Variants in ANKIB1 observed in about 807,000 individuals in gnomAD.
The protein encoded by ANKIB1 is ankyrin repeat and IBR domain-containing protein 1.
Under a neutral mutation model 122.1 loss-of-function variants are expected in ANKIB1, and 43 were observed. The ratio of observed to expected loss-of-function variants is 0.35; its 90% confidence interval spans 0.28 to 0.45. ANKIB1 has a LOEUF of 0.45. Ranked by LOEUF, ANKIB1 falls within the 20% of genes least tolerant of loss-of-function variation. The probability of loss-of-function intolerance (pLI) is 1.00; values close to 1 mark genes in which losing one functional copy is unlikely to be tolerated. For synonymous variants in ANKIB1, 390 were observed against 442.0 expected (o/e 0.88, Z 1.48); for missense variants, 992 against 1,329.5 (o/e 0.75, Z 3.95).
intron 4 of ANKIB1, among the ~76,000 whole-genome samples, chr7:92,325,364 A>G (rs1803005439): frequency 6.6e-6 from 1 of 152,222 alleles, no homozygotes; most frequent in Admixed American, 6.5e-5. Context: ...CTGTTATTTC[A>G]GAGTACAGCT....
At chr7:92,379,588 T>C (rs1804465532) in intron 11 of ANKIB1, among the ~76,000 whole-genome samples, 1 of 152,088 alleles carries the variant, frequency 6.6e-6, no homozygotes, top group Non-Finnish European at 1.5e-5. Context: ...CGTGGGAATC[T>C]AGTATATGGT....
In ANKIB1 at chr7:92,358,014, G is replaced by A. The variant is rs190770581; in HGVS notation, c.1398-4171G>A. ...TCCCAGCACTTTGGGAGGCCGAGGC[G>A]GGCATATCACAAGGTCAGGAGTTCA... On this transcript the variant is annotated intron_variant, in intron 9 of 19. Transcript: ENST00000265742. Among the ~76,000 whole-genome samples the A allele has an allele frequency of 1.3e-3, 198 of 152,136 alleles. 3 individuals carry two copies. The East Asian group carries it at 0.024, about 18-fold the overall frequency.
At chr7:92,365,018 A>G (rs1804040923) in intron 10 of ANKIB1, among the ~76,000 whole-genome samples, 1 of 152,236 alleles carries the variant, frequency 6.6e-6, no homozygotes, top group Non-Finnish European at 1.5e-5. Context: ...ATAAGTGTTC[A>G]TCTGAAACTC....
chr7:92,252,750 A>G (rs905633555), intron 1 of ANKIB1, among the ~76,000 whole-genome samples: 4 of 152,000 alleles, frequency 2.6e-5, no homozygotes, highest in South Asian at 2.1e-4. Flanking sequence ...CCCGTATATC[A>G]TGCCCCTATC....
chr7:92,260,258 C>T (rs1300480718), intron 1 of ANKIB1, among the ~76,000 whole-genome samples: 1 of 152,196 alleles, frequency 6.6e-6, no homozygotes, highest in Admixed American at 6.5e-5. Flanking sequence ...GTAACACTGG[C>T]CTCCTTTTTG....
At chr7:92,322,756 A>G (rs916178248) in intron 4 of ANKIB1, among the ~76,000 whole-genome samples, 15 of 152,186 alleles carry the variant, frequency 9.9e-5, no homozygotes, top group Admixed American at 9.8e-4. Flanking sequence ...AGTAATTTAT[A>G]TATTTTTACC....
intron 10 of ANKIB1, among the ~76,000 whole-genome samples, chr7:92,370,687 T>C (rs1017514311): frequency 7.9e-5 from 12 of 152,130 alleles, no homozygotes; most frequent in Non-Finnish European, 1.0e-4. Context: ...TCCTGACTTA[T>C]TACACATTCT....
intron 17 of ANKIB1, among the ~76,000 whole-genome samples, chr7:92,394,357 C>A (rs991173455): frequency 3.3e-5 from 5 of 152,122 alleles, no homozygotes; most frequent in Non-Finnish European, 7.4e-5. Flanking sequence ...CATATACATT[C>A]TTGAAGATCT....
intron 5 of ANKIB1, among the ~76,000 whole-genome samples, chr7:92,341,576 T>C (rs552518599): frequency 6.6e-6 from 1 of 152,032 alleles, no homozygotes; most frequent in Non-Finnish European, 1.5e-5. Context: ...TGGATTAATA[T>C]GTAGTCATTA....
intron 3 of ANKIB1, among the ~76,000 whole-genome samples, chr7:92,309,934 A>AT (rs1426004365): frequency 8.6e-6 from 1 of 115,656 alleles, no homozygotes. Flanking sequence ...AAAAAAAAAA[A>AT]AAAAAAAAAT....
chr7:92,323,313 A>T (rs1187424249), intron 4 of ANKIB1, among the ~76,000 whole-genome samples: 1 of 152,310 alleles, frequency 6.6e-6, no homozygotes, highest in Non-Finnish European at 1.5e-5. Flanking sequence ...CAGTTTGGAC[A>T]AATAAATGGT....
At chr7:92,365,756 A>G (rs1397997077) in intron 10 of ANKIB1, among the ~76,000 whole-genome samples, 1 of 147,438 alleles carries the variant, frequency 6.8e-6, no homozygotes, top group Non-Finnish European at 1.5e-5. Flanking sequence ...GAGGGGGCAT[A>G]TACAGGAGAG....
intron 1 of ANKIB1, among the ~76,000 whole-genome samples, chr7:92,290,280 T>C (rs559703643): frequency 6.6e-6 from 1 of 152,372 alleles, no homozygotes; most frequent in East Asian, 1.9e-4. Flanking sequence ...CCTGTTTCTC[T>C]ACTGGCTAAA....
At chr7:92,306,338 T>A (rs1480885017) in intron 2 of ANKIB1, among the ~76,000 whole-genome samples, 1 of 152,068 alleles carries the variant, frequency 6.6e-6, no homozygotes, top group Non-Finnish European at 1.5e-5. Context: ...ATCCTGTGAC[T>A]CATTTTAGGA....
At chr7:92,347,951 G>A (rs567105607) in intron 7 of ANKIB1, 3 of 444,012 alleles carry the variant, frequency 6.8e-6, no homozygotes, top group African/African-American at 2.0e-5. Flanking sequence ...CCTAAGCATT[G>A]TAATAAGCAG....
intron 10 of ANKIB1, among the ~76,000 whole-genome samples, chr7:92,365,845 G>T (rs1804066366): frequency 8.2e-6 from 1 of 121,616 alleles, no homozygotes; most frequent in Non-Finnish European, 1.6e-5. Context: ...CGCCCGGGCT[G>T]GAGTGCAGTG....
At chr7:92,374,965 G>C (rs980346637) in intron 11 of ANKIB1, among the ~76,000 whole-genome samples, 1 of 152,078 alleles carries the variant, frequency 6.6e-6, no homozygotes, top group Admixed American at 6.5e-5. Flanking sequence ...CTGTGGTCCA[G>C]TTCCAGACCA....
At chr7:92,346,312 G>A (rs1272171779) in intron 7 of ANKIB1, among the ~76,000 whole-genome samples, 1 of 152,030 alleles carries the variant, frequency 6.6e-6, no homozygotes, top group Non-Finnish European at 1.5e-5. Context: ...TGTGTTTTTA[G>A]TAGAGATGGG....
At chr7:92,327,936 G>A in intron 5 of ANKIB1, 36 bp downstream of exon 5, 1 of 1,388,296 alleles carries the variant, frequency 7.2e-7, no homozygotes, top group South Asian at 1.4e-5. Flanking sequence ...CTAAGAACAT[G>A]AGTAACTTTT....
Sources: allele counts gnomAD v4.1 joint callset (sites outside exome capture counted in the v4.1 genomes callset), GRCh38; gene constraint gnomAD v4.1.1; transcripts MANE v1.5; gene names NCBI Gene and HGNC (gene_info 2026-07-23, HGNC 2026-07-21).